NRXN1: variants seen among roughly 807,000 people sequenced by gnomAD.
NRXN1 encodes the protein neurexin 1, also known as neurexin-1.
A neutral mutation model predicts 150.9 loss-of-function variants in NRXN1; 39 were observed. The ratio of observed to expected loss-of-function variants is 0.26; its 90% CI spans 0.20 to 0.34. The LOEUF (loss-of-function observed/expected upper bound fraction) is 0.34. Among genes scored for constraint, NRXN1 ranks in the 10% least tolerant of loss-of-function variants. The pLI is 1.00. For missense variants in NRXN1, 1,815 were observed against 1,949.9 expected, an observed-to-expected ratio of 0.93 and a Z score of 1.30; for synonymous variants, 924 against 757.0, an observed-to-expected ratio of 1.22 and a Z score of -3.62.
intron 17 of NRXN1, among the ~76,000 whole-genome samples, chr2:50,257,433 C>T (rs570315845): frequency 1.4e-4 from 22 of 152,184 alleles, no homozygotes; most frequent in African/African-American, 5.3e-4. Flanking sequence ...GAATAGACAG[C>T]ATTTACTTTA....
intron 18 of NRXN1, among the ~76,000 whole-genome samples, chr2:50,151,853 T>TA (rs2058716888): frequency 6.6e-6 from 1 of 151,676 alleles, no homozygotes; most frequent in African/African-American, 2.4e-5. Flanking sequence ...AATGCAGCTG[T>TA]AAAATAGGCA....
intron 5 of NRXN1, among the ~76,000 whole-genome samples, chr2:50,901,694 G>A (rs572487730): frequency 1.3e-5 from 2 of 152,182 alleles, no homozygotes; most frequent in South Asian, 2.1e-4. Context: ...ACAATAGTTC[G>A]ATATCACGTG....
chr2:50,460,767 C>T (rs2088111457), intron 17 of NRXN1, among the ~76,000 whole-genome samples: 1 of 151,790 alleles, frequency 6.6e-6, no homozygotes, highest in Non-Finnish European at 1.5e-5. Context: ...ACCCTGTTTC[C>T]CCATAGTTTT....
At chr2:50,880,425 A>T (rs1390670875) in intron 5 of NRXN1, among the ~76,000 whole-genome samples, 1 of 152,010 alleles carries the variant, frequency 6.6e-6, no homozygotes, top group Non-Finnish European at 1.5e-5. Flanking sequence ...ATGTGATCAC[A>T]TATTACATGT....
intron 5 of NRXN1, among the ~76,000 whole-genome samples, chr2:50,642,784 T>C (rs980800095): frequency 2.6e-5 from 4 of 151,948 alleles, no homozygotes; most frequent in African/African-American, 7.2e-5. Context: ...GTTTAGTATA[T>C]AGGAGGAAAT....
At chr2:50,916,026 GATA>G (rs1685167798) in intron 5 of NRXN1, among the ~76,000 whole-genome samples, 1 of 143,502 alleles carries the variant, frequency 7.0e-6, no homozygotes, top group Non-Finnish European at 1.5e-5. Context: ...TGAAAATCTT[GATA>G]ATGAGAGACA....
chr2:50,173,781 A>T (rs998377855), intron 18 of NRXN1, among the ~76,000 whole-genome samples: 1 of 152,174 alleles, frequency 6.6e-6, no homozygotes, highest in African/African-American at 2.4e-5. Context: ...GGCTTTAAAA[A>T]TTCAGTTGAT....
intron 2 of NRXN1, among the ~76,000 whole-genome samples, chr2:51,018,332 C>T (rs181134653): frequency 1.3e-5 from 2 of 152,200 alleles, no homozygotes; most frequent in African/African-American, 4.8e-5. Context: ...GTTGTTCCTG[C>T]AGTGTGGTGT....
chr2:50,261,210 T>C (rs1310107986), intron 17 of NRXN1, among the ~76,000 whole-genome samples: 3 of 151,690 alleles, frequency 2.0e-5, no homozygotes, highest in Non-Finnish European at 3.0e-5. Flanking sequence ...TTTCCATAGA[T>C]TGGGAGGGAA....
intron 8 of NRXN1, among the ~76,000 whole-genome samples, chr2:50,591,041 T>C (rs1674103241): frequency 6.6e-6 from 1 of 152,118 alleles, no homozygotes; most frequent in African/African-American, 2.4e-5. Flanking sequence ...TGACAAAATA[T>C]ATACAAATAA....
intron 2 of NRXN1, among the ~76,000 whole-genome samples, chr2:50,926,759 A>G (rs1464000197): frequency 6.6e-6 from 1 of 151,780 alleles, no homozygotes; most frequent in Non-Finnish European, 1.5e-5. Context: ...TTTCTCTTAT[A>G]TTTCTATATA....
intron 5 of NRXN1, among the ~76,000 whole-genome samples, chr2:50,755,022 T>C (rs1345149563): frequency 2.0e-5 from 3 of 151,828 alleles, no homozygotes; most frequent in African/African-American, 7.2e-5. Flanking sequence ...AGATTAACCA[T>C]TGCCTTTCTA....
chr2:50,399,730 G>GT (rs111320537), intron 17 of NRXN1, among the ~76,000 whole-genome samples: 34,789 of 132,200 alleles, frequency 0.26, 5,210 homozygotes, highest in East Asian at 0.41. Flanking sequence ...ACCTTGTTCA[G>GT]TATTCTGCAA....
At chr2:50,934,394 T>C (rs1175471841) in intron 2 of NRXN1, among the ~76,000 whole-genome samples, 3 of 152,232 alleles carry the variant, frequency 2.0e-5, no homozygotes, top group Admixed American at 1.3e-4. Context: ...TTCCTCTTTG[T>C]ATCTGTTATT....
chr2:50,374,671 T>A (rs1165804280), intron 17 of NRXN1, among the ~76,000 whole-genome samples: 26 of 152,278 alleles, frequency 1.7e-4, no homozygotes, highest in South Asian at 6.2e-4. Context: ...AAAATCACCA[T>A]AAAACTATGT....
intron 2 of NRXN1, among the ~76,000 whole-genome samples, chr2:50,991,346 T>C (rs1167266632): frequency 6.6e-6 from 1 of 152,032 alleles, no homozygotes; most frequent in East Asian, 1.9e-4. Context: ...AAATAAATTA[T>C]ACCTAAGGTG....
At chr2:50,533,691 A>G (rs1036276822) in intron 10 of NRXN1, among the ~76,000 whole-genome samples, 1 of 152,120 alleles carries the variant, frequency 6.6e-6, no homozygotes. Context: ...GCCCCAGTCC[A>G]TCTCTCTGGC....
At chr2:50,079,228 T>C (rs1697558655) in intron 19 of NRXN1, among the ~76,000 whole-genome samples, 1 of 152,114 alleles carries the variant, frequency 6.6e-6, no homozygotes, top group African/African-American at 2.4e-5. Context: ...TTGGAAGTTT[T>C]TTCGGATTAG....
At chr2:50,359,296 A>G (rs995239434) in intron 17 of NRXN1, among the ~76,000 whole-genome samples, 3 of 152,040 alleles carry the variant, frequency 2.0e-5, no homozygotes, top group African/African-American at 7.2e-5. Context: ...AAGGTGGGTA[A>G]TAACAGACTC....
Sources: gnomAD v4.1 joint callset for allele counts (sites outside exome capture counted in the v4.1 genomes callset) on GRCh38, gnomAD v4.1.1 for gene constraint, MANE v1.5 for transcripts, NCBI Gene and HGNC (gene_info 2026-07-23, HGNC 2026-07-21) for gene names.